TRAK1: variants seen among roughly 807,000 people sequenced by gnomAD.
The protein encoded by TRAK1 is trafficking kinesin-binding protein 1.
A neutral mutation model predicts 92.1 loss-of-function variants in TRAK1; 33 were observed. The ratio of observed to expected loss-of-function variants is 0.36; its 90% CI spans 0.27 to 0.48. The LOEUF is 0.48. Among genes scored for constraint, TRAK1 ranks in the 20% least tolerant of loss-of-function variants. TRAK1 has a pLI of 0.99. For missense variants in TRAK1, 1,123 were observed against 1,257.9 expected (o/e 0.89, Z 1.62); for synonymous variants, 521 against 517.3 (o/e 1.01, Z -0.10).
intron 3 of TRAK1, among the ~76,000 whole-genome samples, chr3:42,181,413 G>A (rs59760907): frequency 0.06 from 9,154 of 152,190 alleles, 290 homozygotes; most frequent in Middle Eastern, 0.085. Context: ...GCGAGGTGGC[G>A]TGTGCCTGTA....
At chr3:42,209,054 G>A (rs1354014964) in intron 13 of TRAK1, among the ~76,000 whole-genome samples, 1 of 152,134 alleles carries the variant, frequency 6.6e-6, no homozygotes, top group Non-Finnish European at 1.5e-5. Context: ...GTGAGTCCTG[G>A]GGTTTGGTGT....
At chr3:42,112,735 CAAAAAAA>C (rs774716012) in intron 1 of TRAK1, among the ~76,000 whole-genome samples, 1 of 54,692 alleles carries the variant, frequency 1.8e-5, no homozygotes, top group African/African-American at 5.1e-5. Flanking sequence ...GACTCTGTCT[CAAAAAAA>C]AAAAAAAAAA....
At chr3:42,036,635 T>C (rs557724866) in intron 1 of TRAK1, among the ~76,000 whole-genome samples, 1 of 152,226 alleles carries the variant, frequency 6.6e-6, no homozygotes, top group Non-Finnish European at 1.5e-5. Context: ...CTGTTCTGAC[T>C]CATGTCACAC....
At chr3:42,107,026 C>A (rs938030703) in intron 1 of TRAK1, among the ~76,000 whole-genome samples, 21 of 152,080 alleles carry the variant, frequency 1.4e-4, no homozygotes, top group African/African-American at 4.6e-4. Context: ...CAGAATTTAC[C>A]CCTTGATTGC....
chr3:42,205,298 G>C (rs1364347779), intron 13 of TRAK1, among the ~76,000 whole-genome samples: 9 of 152,090 alleles, frequency 5.9e-5, no homozygotes, highest in Non-Finnish European at 7.4e-5. Context: ...TGAGAAGCTA[G>C]TAAGATTCCC....
At chr3:42,068,609 G>A (rs1703780945) in intron 1 of TRAK1, among the ~76,000 whole-genome samples, 1 of 152,218 alleles carries the variant, frequency 6.6e-6, no homozygotes, top group Non-Finnish European at 1.5e-5. Flanking sequence ...AAAACAGGTA[G>A]AAGTGAGTCT....
chr3:42,212,249 T>C (rs1443523361), intron 14 of TRAK1: 2 of 985,286 alleles, frequency 2.0e-6, no homozygotes, highest in Admixed American at 6.1e-5. Flanking sequence ...GGTGGTCTGG[T>C]CCCTGCCTTT....
intron 1 of TRAK1, among the ~76,000 whole-genome samples, chr3:42,068,993 A>G (rs1282447815): frequency 6.6e-6 from 1 of 152,098 alleles, no homozygotes; most frequent in Non-Finnish European, 1.5e-5. Context: ...TAGGAAATGC[A>G]TTTGTGTCTG....
chr3:42,038,803 GTTTTTTT>G (rs35147167), intron 1 of TRAK1, among the ~76,000 whole-genome samples: 8 of 96,766 alleles, frequency 8.3e-5, no homozygotes, highest in African/African-American at 1.8e-4. Flanking sequence ...AAAAAAAAAA[GTTTTTTT>G]TTTTTTTTTT....
intron 13 of TRAK1, chr3:42,203,025 CT>C (rs1266994990): frequency 4.9e-5 from 62 of 1,255,874 alleles, no homozygotes; most frequent in Non-Finnish European, 6.1e-5. Flanking sequence ...TAGTTCTTTC[CT>C]TTGCCTTTAG....
chr3:42,193,290 T>C (rs947739647), intron 8 of TRAK1, 85 bp downstream of exon 8: 84 of 1,551,324 alleles, frequency 5.4e-5, no homozygotes, highest in Non-Finnish European at 1.3e-5. Context: ...GACAGTGCTC[T>C]TTAGTTTCAT....
chr3:42,125,470 G>C lies in TRAK1; in HGVS notation c.142G>C (p.Glu48Gln). ...LPEVEIISLLEEQLPHYKLRA... is the reference protein window; with the variant it reads ...LPEVEIISLLQEQLPHYKLRA... ...GGAAGTCGAGATCATTAGCCTGCTG[G>C]AGGAGCAGCTGCCCCATTATAAGTT... The change falls in exon 2 of 16, where the codon GAG (glutamate) becomes CAG (glutamine). Residue 48 changes from glutamate to glutamine, a missense_variant. By Grantham distance (29) the Glu-to-Gln change is conservative (BLOSUM62 2). This residue lies in a region of TRAK1 where 686 missense variants were observed against 747.6 expected (regional missense o/e 0.92). Transcript: ENST00000327628. The C allele has an allele frequency of 6.2e-7, 1 of 1,614,218 alleles. No individual in the cohort carries two copies. The highest frequency in any genetic ancestry group is 1.6e-4 in the Middle Eastern group (1 of 6,062).
intron 1 of TRAK1, among the ~76,000 whole-genome samples, chr3:42,111,644 C>T (rs891189093): frequency 6.6e-6 from 1 of 152,144 alleles, no homozygotes; most frequent in Non-Finnish European, 1.5e-5. Context: ...ATCCTCCCAC[C>T]TAGGCCTCCC....
At position 42,136,098 on chromosome 3, in the gene TRAK1, TAAAG is replaced by T. The variant is rs1413009987; in HGVS notation, c.286+10488_286+10491del. On this transcript the variant is annotated intron_variant, in intron 2 of 15. Transcript: ENST00000327628. ...TCTGAAACCTGTTTCTCTATCATCA[TAAAG>T]AAATCATGGAACCTCTGTGTACTTT... 2.6e-5 allele frequency among the ~76,000 whole-genome samples: 4 copies of T among 152,324 alleles called. No homozygotes were observed. In the East Asian group the frequency reaches 7.7e-4, roughly 29 times the overall value.
intron 13 of TRAK1, among the ~76,000 whole-genome samples, chr3:42,208,320 T>C (rs1228558879): frequency 6.6e-6 from 1 of 152,164 alleles, no homozygotes; most frequent in Non-Finnish European, 1.5e-5. Flanking sequence ...ACCTTTTTTT[T>C]CCTTTTGAGT....
At chr3:42,174,863 G>A (rs879175541) in intron 2 of TRAK1, among the ~76,000 whole-genome samples, 3 of 151,346 alleles carry the variant, frequency 2.0e-5, no homozygotes, top group Admixed American at 1.3e-4. Flanking sequence ...CACCTCACCC[G>A]GCCCCCTCTG....
intron 1 of TRAK1, among the ~76,000 whole-genome samples, chr3:42,032,496 AC>A (rs1480581591): frequency 4.7e-5 from 7 of 149,962 alleles, no homozygotes; most frequent in African/African-American, 1.5e-4. Context: ...AAAAAAAAAA[AC>A]CATCTTTGCA....
At chr3:42,043,658 G>T (rs899808735) in intron 1 of TRAK1, among the ~76,000 whole-genome samples, 2 of 151,944 alleles carry the variant, frequency 1.3e-5, no homozygotes, top group African/African-American at 4.8e-5. Context: ...GGTTTTCATG[G>T]TCTCAGGCAG....
At chr3:42,087,616 ACTAT>A, upstream of TRAK1, among the ~76,000 whole-genome samples, 1 of 152,130 alleles carries the variant, frequency 6.6e-6, no homozygotes, top group East Asian at 1.9e-4. Context: ...TTGTTGACCT[ACTAT>A]CCTGACTGAG....
Sources: allele counts gnomAD v4.1 joint callset (sites outside exome capture counted in the v4.1 genomes callset), GRCh38; gene constraint gnomAD v4.1.1; regional missense constraint gnomAD v4.1.1; transcripts MANE v1.5; gene names NCBI Gene and HGNC (gene_info 2026-07-23, HGNC 2026-07-21).